ATP8B4: variants seen among roughly 807,000 people sequenced by gnomAD.
ATP8B4 encodes probable phospholipid-transporting ATPase IM.
In ATP8B4, 133 loss-of-function variants were observed where a neutral mutation model predicts 145.6. That is an observed-to-expected ratio of 0.91 (90% CI 0.79 to 1.05). The LOEUF is 1.05. ATP8B4 is among the 50% of genes least tolerant of loss of function. ATP8B4 has a pLI of 0.00. For synonymous variants in ATP8B4, 507 were observed against 492.9 expected (o/e 1.03, Z -0.38); for missense variants, 1,458 against 1,425.2 (o/e 1.02, Z -0.37).
intron 1 of ATP8B4, among the ~76,000 whole-genome samples, chr15:50,146,417 T>C (rs76601363): frequency 0.011 from 1,647 of 152,320 alleles, 14 homozygotes; most frequent in Non-Finnish European, 0.02. Flanking sequence ...AATGTAATTA[T>C]TCAGAACAAG....
chr15:49,962,131 A>T, intron 13 of ATP8B4, 111 bp from the exon 14 acceptor site: 1 of 784,448 alleles, frequency 1.3e-6, no homozygotes, highest in South Asian at 2.2e-5. Context: ...ACTAAATGGC[A>T]TTATGAATTT....
At chr15:50,153,470 C>CCTA (rs2044372491) in intron 1 of ATP8B4, among the ~76,000 whole-genome samples, 1 of 151,962 alleles carries the variant, frequency 6.6e-6, no homozygotes, top group Admixed American at 6.6e-5. Context: ...TCCTGAGTAG[C>CCTA]GGGAACTACA....
intron 16 of ATP8B4, among the ~76,000 whole-genome samples, chr15:49,930,487 T>C (rs1379329299): frequency 6.6e-6 from 1 of 152,060 alleles, no homozygotes; most frequent in Non-Finnish European, 1.5e-5. Context: ...AGCACAGATT[T>C]GTTGTGGTGC....
rs577727218 is a variant in ATP8B4, at chr15:50,166,441, T to C, written c.-43+15820A>G. 5.3e-5 allele frequency among the ~76,000 whole-genome samples: 8 copies of C among 152,310 alleles called. No individual in the cohort carries two copies. The South Asian group carries it at 1.2e-3, about 24-fold the overall frequency. On this transcript the variant is annotated intron_variant, in intron 1 of 3. Coordinates refer to the ATP8B4 transcript ENST00000558829. ...TGTATGTAGTCATCAGAGAGAATAATATCTTAACAAAGCAGGAAATAAGCT... is the reference window on the plus strand; with the variant it reads ...TGTATGTAGTCATCAGAGAGAATAACATCTTAACAAAGCAGGAAATAAGCT...
intron 7 of ATP8B4, among the ~76,000 whole-genome samples, chr15:50,010,251 T>C (rs370147733): frequency 1.3e-5 from 2 of 152,146 alleles, no homozygotes; most frequent in African/African-American, 4.8e-5. Context: ...TAGTTGCATA[T>C]ATTTTAGTGA....
intron 3 of ATP8B4, among the ~76,000 whole-genome samples, chr15:50,052,794 G>C (rs1294095230): frequency 6.6e-6 from 1 of 152,202 alleles, no homozygotes; most frequent in East Asian, 1.9e-4. Context: ...GCACAGACTA[G>C]ATGGAGTAGT....
At chr15:50,149,225 T>C (rs2044316141) in intron 1 of ATP8B4, among the ~76,000 whole-genome samples, 1 of 152,198 alleles carries the variant, frequency 6.6e-6, no homozygotes, top group South Asian at 2.1e-4. Flanking sequence ...TCTGCCGTAG[T>C]GCCCAGTATG....
intron 10 of ATP8B4, among the ~76,000 whole-genome samples, chr15:49,984,798 G>A (rs2046446855): frequency 6.6e-6 from 1 of 152,010 alleles, no homozygotes; most frequent in Non-Finnish European, 1.5e-5. Flanking sequence ...GAGGAAATCT[G>A]GAGAGCAAAC....
Position 49,981,476 on chromosome 15 carries a change from G to A in ATP8B4, c.749-182C>T, listed in dbSNP as rs576558919. Among the ~76,000 whole-genome samples, 13 of 152,224 alleles carry A rather than the reference G, an allele frequency of 8.5e-5. No homozygotes were observed. In the South Asian group the frequency reaches 1.9e-3, roughly 22 times the overall value. On this transcript the variant is annotated intron_variant, in intron 10 of 27. Transcript: ENST00000284509. Reference sequence around the variant, plus strand: ...CAACAATTAGGTTAACAACAATCCTGGAAGCTGCAAGAGATGTGATCTTCT... The same window carrying A: ...CAACAATTAGGTTAACAACAATCCTAGAAGCTGCAAGAGATGTGATCTTCT...
intron 1 of ATP8B4, among the ~76,000 whole-genome samples, chr15:50,113,838 C>CAAAAAAAAAAAAAAAAAAAA (rs67648465): frequency 4.5e-5 from 3 of 67,274 alleles, no homozygotes; most frequent in African/African-American, 1.9e-4. Context: ...AACTCCATCT[C>CAAAAAAAAAAAAAAAAAAAA]AAAAAAAAAA....
In ATP8B4 at chr15:50,079,778, C is replaced by T. The variant is rs74412186; in HGVS notation, c.29-5593G>A. On this transcript the variant is annotated intron_variant, in intron 2 of 27. Coordinates refer to ENST00000284509, the MANE Select transcript of ATP8B4 (RefSeq NM_024837.4). ...TGAATGAATGCATAAGCTATGTGTT[C>T]GTTGACTAATCATTCTTATTTCTAT... 5.9e-5 allele frequency among the ~76,000 whole-genome samples: 9 copies of T among 152,248 alleles called. No homozygotes were observed. In the East Asian group the frequency reaches 1.2e-3, roughly 20 times the overall value.
chr15:50,176,916 T>C (rs908519335), intron 1 of ATP8B4, among the ~76,000 whole-genome samples: 21 of 152,302 alleles, frequency 1.4e-4, no homozygotes, highest in Middle Eastern at 6.8e-3. Context: ...TCACCTTTTT[T>C]TCATTCTCCA....
chr15:49,967,282 A>G (rs1225020788), intron 13 of ATP8B4, among the ~76,000 whole-genome samples: 1 of 152,210 alleles, frequency 6.6e-6, no homozygotes, highest in Non-Finnish European at 1.5e-5. Context: ...TGACAAACTG[A>G]CAGAAGTAGG....
intron 1 of ATP8B4, among the ~76,000 whole-genome samples, chr15:50,139,075 T>C (rs575275426): frequency 6.6e-6 from 1 of 152,236 alleles, no homozygotes; most frequent in South Asian, 2.1e-4. Flanking sequence ...GACCCAGCAA[T>C]CCCATTGCTG....
intron 25 of ATP8B4, among the ~76,000 whole-genome samples, chr15:49,867,611 A>T (rs1035061740): frequency 5.3e-5 from 8 of 152,232 alleles, no homozygotes; most frequent in Non-Finnish European, 1.0e-4. Flanking sequence ...TCAAGAGTCA[A>T]CGATAGCCTG....
chr15:50,039,482 A>T (rs547552144), intron 5 of ATP8B4, among the ~76,000 whole-genome samples: 19 of 152,222 alleles, frequency 1.2e-4, no homozygotes, highest in Non-Finnish European at 2.8e-4. Flanking sequence ...AGAGCTCTCT[A>T]CTAGGCTCAT....
intron 21 of ATP8B4, 131 bp from the exon 22 acceptor site, chr15:49,898,382 C>T (rs2037651993): frequency 2.0e-6 from 2 of 978,642 alleles, no homozygotes; most frequent in Admixed American, 5.6e-5. Flanking sequence ...TCCAAAAAGT[C>T]ATTGTTGATT....
chr15:49,978,057 T>C (rs1339159735), intron 12 of ATP8B4, among the ~76,000 whole-genome samples: 1 of 74,388 alleles, frequency 1.3e-5, no homozygotes, highest in African/African-American at 1.2e-4. Flanking sequence ...GAATCTACCT[T>C]TGGTCTCTTA....
intron 14 of ATP8B4, among the ~76,000 whole-genome samples, chr15:49,936,754 A>T (rs1480096746): frequency 7.0e-6 from 1 of 143,340 alleles, no homozygotes; most frequent in South Asian, 2.1e-4. Flanking sequence ...TTGTTTTTCC[A>T]TTCTTTCATC....
Sources: allele counts gnomAD v4.1 joint callset (sites outside exome capture counted in the v4.1 genomes callset), GRCh38; gene constraint gnomAD v4.1.1; transcripts MANE v1.5; gene names NCBI Gene and HGNC (gene_info 2026-07-23, HGNC 2026-07-21).